TBC1D5: variants seen among roughly 807,000 people sequenced by gnomAD.
TBC1D5 encodes the protein TBC1 domain family member 5.
TBC1D5 carries 75 observed loss-of-function variants against 100.3 expected under a neutral mutation model. That is an observed-to-expected ratio of 0.75 (90% confidence interval 0.62 to 0.91). The LOEUF is 0.91. Among genes scored for constraint, TBC1D5 ranks in the 40% least tolerant of loss-of-function variants. The pLI, the probability that TBC1D5 is intolerant of heterozygous loss-of-function variation, is 0.00. For missense variants in TBC1D5, 910 were observed against 942.4 expected (o/e 0.97, Z 0.45); for synonymous variants, 323 against 325.6 (o/e 0.99, Z 0.09).
chr3:17,322,096 G>T (rs1201214797), intron 13 of TBC1D5, among the ~76,000 whole-genome samples: 1 of 152,066 alleles, frequency 6.6e-6, no homozygotes, highest in East Asian at 1.9e-4. Context: ...TTGGGGGAGG[G>T]GGAGGTACAA....
chr3:17,494,561 G>C (rs1350308965), intron 3 of TBC1D5, among the ~76,000 whole-genome samples: 1 of 152,230 alleles, frequency 6.6e-6, no homozygotes, highest in Non-Finnish European at 1.5e-5. Flanking sequence ...CCTCCCACCA[G>C]GGGCTCCCCA....
At chr3:17,535,327 C>G (rs975830394) in intron 2 of TBC1D5, among the ~76,000 whole-genome samples, 1 of 152,166 alleles carries the variant, frequency 6.6e-6, no homozygotes, top group African/African-American at 2.4e-5. Context: ...TACAAACATT[C>G]AGAGGGCAGG....
At chr3:17,580,536 T>C (rs2096687275) in intron 2 of TBC1D5, among the ~76,000 whole-genome samples, 1 of 152,170 alleles carries the variant, frequency 6.6e-6, no homozygotes, top group African/African-American at 2.4e-5. Context: ...TGCTGCTACT[T>C]AAGGTGATCT....
At chr3:17,398,375 A>G (rs1456186406) in intron 8 of TBC1D5, among the ~76,000 whole-genome samples, 1 of 152,178 alleles carries the variant, frequency 6.6e-6, no homozygotes, top group African/African-American at 2.4e-5. Flanking sequence ...TATTTAATAC[A>G]GTGACGTATC....
chr3:17,170,685 A>AATT (rs78122313), intron 19 of TBC1D5, among the ~76,000 whole-genome samples: 3,964 of 152,218 alleles, frequency 0.026, 65 homozygotes, highest in Middle Eastern at 0.068. Flanking sequence ...GCTCTAGTGG[A>AATT]AAATGAAACC....
intron 18 of TBC1D5, among the ~76,000 whole-genome samples, chr3:17,207,136 C>T (rs1166949928): frequency 1.3e-5 from 2 of 152,108 alleles, no homozygotes; most frequent in Admixed American, 6.5e-5. Flanking sequence ...CATGGAGTCT[C>T]ACTATGTTGC....
At chr3:17,396,538 G>A (rs1392360743) in intron 8 of TBC1D5, among the ~76,000 whole-genome samples, 1 of 151,634 alleles carries the variant, frequency 6.6e-6, no homozygotes, top group Non-Finnish European at 1.5e-5. Context: ...AAATTACTGG[G>A]AGTATTTCTT....
At chr3:17,300,162 G>C (rs2082684185) in intron 14 of TBC1D5, among the ~76,000 whole-genome samples, 1 of 151,984 alleles carries the variant, frequency 6.6e-6, no homozygotes, top group Non-Finnish European at 1.5e-5. Context: ...TTTGTAACAG[G>C]GTACATTAAT....
intron 3 of TBC1D5, among the ~76,000 whole-genome samples, chr3:17,431,172 G>A (rs1488476456): frequency 5.3e-5 from 8 of 151,890 alleles, no homozygotes. Flanking sequence ...GTGCAAGAGA[G>A]TTTACTATGA....
At chr3:17,421,158 C>T (rs1000674722) in intron 4 of TBC1D5, among the ~76,000 whole-genome samples, 7 of 152,124 alleles carry the variant, frequency 4.6e-5, no homozygotes, top group Admixed American at 2.6e-4. Context: ...TAAAGAAGCA[C>T]AGATACTATC....
intron 3 of TBC1D5, among the ~76,000 whole-genome samples, chr3:17,487,367 T>C (rs1441517389): frequency 6.6e-6 from 1 of 152,184 alleles, no homozygotes; most frequent in Non-Finnish European, 1.5e-5. Flanking sequence ...TGTAAAAATA[T>C]GAGTTAACAT....
intron 1 of TBC1D5, among the ~76,000 whole-genome samples, chr3:17,674,376 TATTA>T (rs922592574): frequency 4.6e-5 from 7 of 152,212 alleles, no homozygotes; most frequent in African/African-American, 1.7e-4. Context: ...ATATGAGAGA[TATTA>T]ATTTCCATAA....
intron 18 of TBC1D5, among the ~76,000 whole-genome samples, chr3:17,209,803 T>C (rs2072718352): frequency 6.6e-6 from 1 of 152,248 alleles, no homozygotes; most frequent in Admixed American, 6.5e-5. Flanking sequence ...TATAAATCTC[T>C]TAATTTGTTA....
chr3:17,531,247 G>C (rs2096220121), intron 2 of TBC1D5, among the ~76,000 whole-genome samples: 1 of 152,218 alleles, frequency 6.6e-6, no homozygotes, highest in Non-Finnish European at 1.5e-5. Flanking sequence ...GCTTCAAAGA[G>C]AATAAAATAC....
At chr3:17,580,066 A>G (rs926036058) in intron 2 of TBC1D5, among the ~76,000 whole-genome samples, 1 of 152,172 alleles carries the variant, frequency 6.6e-6, no homozygotes, top group Non-Finnish European at 1.5e-5. Context: ...CAAGCAATCC[A>G]GGCCATGAAG....
intron 1 of TBC1D5, among the ~76,000 whole-genome samples, chr3:17,677,537 C>T (rs2068804503): frequency 6.6e-6 from 1 of 152,176 alleles, no homozygotes; most frequent in Non-Finnish European, 1.5e-5. Context: ...AACACTTTTA[C>T]ACTGTTGGTG....
intron 17 of TBC1D5, among the ~76,000 whole-genome samples, chr3:17,216,963 A>C (rs928619406): frequency 6.6e-6 from 1 of 152,160 alleles, no homozygotes; most frequent in African/African-American, 2.4e-5. Context: ...ATGACCATCA[A>C]AACTATCTAT....
chr3:17,648,084 TAC>T (rs2065174727), intron 1 of TBC1D5, among the ~76,000 whole-genome samples: 1 of 151,992 alleles, frequency 6.6e-6, no homozygotes, highest in East Asian at 1.9e-4. Context: ...CATCAAACTA[TAC>T]AAGGCAACAG....
At chr3:17,594,454 C>G (rs984025213) in intron 2 of TBC1D5, among the ~76,000 whole-genome samples, 1 of 152,114 alleles carries the variant, frequency 6.6e-6, no homozygotes, top group African/African-American at 2.4e-5. Flanking sequence ...AAAGGGAATA[C>G]AGAATAGGTA....
Sources: allele counts gnomAD v4.1 joint callset (sites outside exome capture counted in the v4.1 genomes callset), GRCh38; gene constraint gnomAD v4.1.1; transcripts MANE v1.5; gene names NCBI Gene and HGNC (gene_info 2026-07-23, HGNC 2026-07-21).